The following DDR1 variants were observed in gnomAD, a reference collection of about 807,000 sequenced individuals.
DDR1 encodes epithelial discoidin domain-containing receptor 1.
DDR1 carries 64 observed loss-of-function variants against 97.4 expected under a neutral mutation model. That is an observed-to-expected ratio of 0.66 (90% CI 0.54 to 0.81). DDR1 has a LOEUF of 0.81. Among genes scored for constraint, DDR1 ranks in the 30% least tolerant of loss-of-function variants. The probability of loss-of-function intolerance (pLI) is 0.00; values close to 1 mark genes in which losing one functional copy is unlikely to be tolerated. For missense variants in DDR1, 990 were observed against 1,259.6 expected (o/e 0.79, Z 3.24); for synonymous variants, 458 against 503.7 (o/e 0.91, Z 1.21).
Position 30,889,874 on chromosome 6 carries a change from G to A in DDR1, c.417+444G>A, listed in dbSNP as rs116210128. Among the ~76,000 whole-genome samples, 1,711 of 152,188 alleles carry A rather than the reference G, an allele frequency of 0.011. 23 individuals are homozygous for A. Among genetic ancestry groups the A allele is most frequent in the African/African-American group, 0.033 (1,362 of 41,516 alleles). On this transcript the variant is annotated intron_variant, in intron 4 of 17. Transcript: ENST00000376568. The surrounding 1 kb of genome is among the most constrained non-coding windows in gnomAD (Gnocchi z 4.9). ...GGTATCACCATTGCCTGGTTGCCTA[G>A]GCTATAAGTTAAGATGATATCCTTG...
In DDR1 at chr6:30,888,685, C is replaced by A; in HGVS notation, c.-42-3C>A. 1.2e-6 allele frequency: 2 copies of A among 1,609,802 alleles called. No individual in the cohort carries two copies. Among genetic ancestry groups the A allele is most frequent in the Non-Finnish European group, 1.7e-6 (2 of 1,178,598 alleles). ...TACGCACCACCCATTTTATCCCCTG[C>A]AGAGATGCTGCCCCCACCCCCTTAG... On this transcript the variant is annotated splice_region_variant and splice_polypyrimidine_tract_variant and intron_variant, in intron 1 of 17. Coordinates refer to ENST00000376568, the MANE Select transcript of DDR1 (RefSeq NM_001297654.2). This position sits in a 1 kb window ranked among gnomAD's most constrained non-coding sequence, Gnocchi z 4.2.
In DDR1 at chr6:30,895,452, C is replaced by T. The variant is rs199902191; in HGVS notation, c.1562C>T (p.Ala521Val). Reference sequence around the variant, plus strand: ...TACCGCCTCCTTCTGGCCACTTACGCCCGTCCCCCTCGAGGCCCGGGCCCC... The same window carrying T: ...TACCGCCTCCTTCTGGCCACTTACGTCCGTCCCCCTCGAGGCCCGGGCCCC... ...PAYRLLLATYARPPRGPGPPT... is the reference protein window; with the variant it reads ...PAYRLLLATYVRPPRGPGPPT... The change falls in exon 12 of 18, where the codon GCC becomes GTC. Residue 521 changes from alanine (A) to valine (V), a missense_variant. Transcript: ENST00000376568. The T allele has an allele frequency of 2.5e-6, 4 of 1,609,942 alleles. No individual in the cohort carries two copies. The highest frequency in any genetic ancestry group is 2.2e-5 in the South Asian group (2 of 90,562).
Position 30,898,229 on chromosome 6 carries a change from C to G in DDR1, c.2373C>G (p.Leu791=). Residue 791 remains leucine (L), a synonymous_variant, in exon 16 of 18, where the codon CTC becomes CTG. Transcript: ENST00000376568. The stretch of plus-strand genomic sequence containing the variant: ...CAGACTTTGGCATGAGCCGGAACCT[C>G]TATGCTGGGGACTATTACCGTGTGC... ...KIADFGMSRN[L]YAGDYYRVQG... 2 of 1,614,254 alleles carry G rather than the reference C, an allele frequency of 1.2e-6. No homozygotes were observed. The highest frequency in any genetic ancestry group is 1.7e-6 in the Non-Finnish European group (2 of 1,180,050).
rs780560727 is a variant in DDR1, at chr6:30,897,116, C to T, written c.1972C>T (p.Arg658Trp). 2.5e-5 allele frequency: 41 copies of T among 1,613,818 alleles called. No individual in the cohort carries two copies. The Middle Eastern group carries it at 4.9e-4, about 19-fold the overall frequency. Residue 658 changes from arginine to tryptophan, a missense_variant, in exon 14 of 18, where the codon CGG becomes TGG. By Grantham distance (101) the Arg-to-Trp change is moderately radical. Coordinates refer to ENST00000376568, the MANE Select transcript of DDR1 (RefSeq NM_001297654.2). This position sits in a 1 kb window ranked among gnomAD's most constrained non-coding sequence, Gnocchi z 5.2. ...TTTGCTGGTAGCTGTCAAGATCTTA[C>T]GGCCAGATGCCACCAAGAATGCCAG... ...HPLLVAVKIL[R>W]PDATKNARND...
rs372646310 is a variant in DDR1, at chr6:30,890,802, G to T, written c.418-171G>T. The T allele has an allele frequency of 3.3e-6, 2 of 604,568 alleles. No individual in the cohort carries two copies. The highest frequency in any genetic ancestry group is 3.2e-5 in the East Asian group (1 of 31,454). The allele number at this position is 604,568 out of a possible 1,614,324, so 37.5% of individuals were successfully genotyped here. Reference sequence around the variant, plus strand: ...GACAGAGCCAGAGGTCTCAGCTGCAGATCTTCATTTCACCCATGCCTGGCT... The same window carrying T: ...GACAGAGCCAGAGGTCTCAGCTGCATATCTTCATTTCACCCATGCCTGGCT... On this transcript the variant is annotated intron_variant, in intron 4 of 17. Coordinates refer to ENST00000376568, the MANE Select transcript of DDR1 (RefSeq NM_001297654.2). This position sits in a 1 kb window ranked among gnomAD's most constrained non-coding sequence, Gnocchi z 5.0.
chr6:30,893,243 T>G (rs775472685), intron 9 of DDR1, 29 bp from the exon 10 acceptor site: 1 of 1,600,932 alleles, frequency 6.2e-7, no homozygotes, highest in African/African-American at 1.3e-5. Context: ...GGGACCCTCC[T>G]GTGGTGCTGA....
intron 9 of DDR1, 21 bp from the exon 10 acceptor site, chr6:30,893,251 T>C: frequency 6.2e-7 from 1 of 1,601,906 alleles, no homozygotes; most frequent in Non-Finnish European, 8.5e-7. Context: ...CCTGTGGTGC[T>C]GACCCTGCTG....
chr6:30,885,479 G>A, intron 1 of DDR1: 1 of 972,208 alleles, frequency 1.0e-6, no homozygotes, highest in Non-Finnish European at 1.5e-6. Context: ...CTGCCCCCTC[G>A]ACGTCCCTCT....
Position 30,897,340 on chromosome 6 carries a change from C to T in DDR1, c.1998-39C>T. ...GGGCGCGGGGGAAGGTGCAGGCCGC[C>T]CACTCGGCATTCCTCTTCAGCTTCT... is the stretch of plus-strand genomic sequence containing the variant. On this transcript the variant is annotated intron_variant, in intron 14 of 17. Transcript: ENST00000376568. The surrounding 1 kb of genome is among the most constrained non-coding windows in gnomAD (Gnocchi z 5.2). The T allele has an allele frequency of 6.2e-7, 1 of 1,605,502 alleles. No homozygotes were observed. The highest frequency in any genetic ancestry group is 8.5e-7 in the Non-Finnish European group (1 of 1,175,412).
intron 11 of DDR1, 109 bp from the exon 12 acceptor site, chr6:30,895,295 A>T: frequency 2.7e-6 from 2 of 743,388 alleles, no homozygotes; most frequent in Non-Finnish European, 4.4e-6. Context: ...TCTGTCTCTT[A>T]ATGCAATCAT....
At position 30,888,961 on chromosome 6, in the gene DDR1, A is replaced by G. The variant is rs540880521; in HGVS notation, c.139A>G (p.Ile47Val). The change falls in exon 3 of 18, where the codon ATC (isoleucine) becomes GTC (valine). Residue 47 changes from isoleucine to valine, a missense_variant. Ile to Val is a conservative substitution (Grantham distance 29). Coordinates refer to ENST00000376568, the MANE Select transcript of DDR1 (RefSeq NM_001297654.2). The surrounding 1 kb of genome is among the most constrained non-coding windows in gnomAD (Gnocchi z 4.2). ...GGACCGGACCATCCCAGACAGTGAC[A>G]TCTCTGCTTCCAGCTCCTGGTCAGA... Reference protein sequence around the residue: ...MQDRTIPDSDISASSSWSDST... With the variant: ...MQDRTIPDSDVSASSSWSDST... The G allele has an allele frequency of 1.2e-6, 2 of 1,612,852 alleles. No individual in the cohort carries two copies. Among genetic ancestry groups the G allele is most frequent in the South Asian group, 1.1e-5 (1 of 91,062 alleles).
In DDR1 at chr6:30,897,124, T is replaced by C; in HGVS notation, c.1980T>C (p.Asp660=). The change falls in exon 14 of 18, where the codon GAT becomes GAC. Residue 660 remains aspartate, a synonymous_variant. Transcript: ENST00000376568. The surrounding 1 kb of genome is among the most constrained non-coding windows in gnomAD (Gnocchi z 5.2). ...TAGCTGTCAAGATCTTACGGCCAGA[T>C]GCCACCAAGAATGCCAGGTGAGGAC... ...LLVAVKILRP[D]ATKNARNDFL... 1 of 1,613,754 alleles carries C rather than the reference T, an allele frequency of 6.2e-7. No homozygotes were observed. The highest frequency in any genetic ancestry group is 8.5e-7 in the Non-Finnish European group (1 of 1,179,954).
At chr6:30,887,313 A>G (rs1786224383) in intron 1 of DDR1, among the ~76,000 whole-genome samples, 1 of 152,232 alleles carries the variant, frequency 6.6e-6, no homozygotes, top group Admixed American at 6.5e-5. Flanking sequence ...TCTTTTACAT[A>G]TCTTATGATT....
Position 30,889,232 on chromosome 6 carries a change from G to A in DDR1, c.219G>A (p.Trp73Ter). The A allele has an allele frequency of 6.2e-7, 1 of 1,613,096 alleles. No homozygotes were observed. Residue 73 changes from tryptophan to a stop codon, truncating the protein, a stop_gained, in exon 4 of 18, where the codon TGG becomes TGA. Coordinates refer to ENST00000376568, the MANE Select transcript of DDR1 (RefSeq NM_001297654.2). LOFTEE classifies it high-confidence loss of function. The surrounding 1 kb of genome is among the most constrained non-coding windows in gnomAD (Gnocchi z 4.9). ...AGAGCAGTGACGGGGATGGGGCCTGGTGCCCCGCAGGGTCGGTGTTTCCCA... is the reference window on the plus strand; with the variant it reads ...AGAGCAGTGACGGGGATGGGGCCTGATGCCCCGCAGGGTCGGTGTTTCCCA... ...RLESSDGDGA[W>*]CPAGSVFPKE...
At chr6:30,896,454 T>C (rs1790784839) in intron 12 of DDR1, among the ~76,000 whole-genome samples, 167 bp from the exon 13 acceptor site, 1 of 152,084 alleles carries the variant, frequency 6.6e-6, no homozygotes, top group Non-Finnish European at 1.5e-5. Flanking sequence ...GCCAGTGTCT[T>C]CCTGGTTTGA....
In DDR1 at chr6:30,899,856, C is replaced by T; in HGVS notation, c.*560C>T. The T allele has an allele frequency of 2.4e-6, 1 of 419,920 alleles. No homozygotes were observed. The highest frequency in any genetic ancestry group is 3.6e-5 in the Admixed American group (1 of 27,908). 26.0% of individuals were successfully genotyped at this position (419,920 alleles called of 1,614,324 possible). On this transcript the variant is annotated 3_prime_UTR_variant, in exon 18 of 18. Coordinates refer to ENST00000376568, the MANE Select transcript of DDR1 (RefSeq NM_001297654.2). ...TGAAACACTGGACCTGGGGGTAGCC[C>T]CGCCCCAGCCCTCAGTCACCCCCAC...
At position 30,897,408 on chromosome 6, in the gene DDR1, T is replaced by C. The variant is rs750047186; in HGVS notation, c.2027T>C (p.Met676Thr). ...GATTTCCTGAAAGAGGTGAAGATCA[T>C]GTCGAGGCTCAAGGACCCAAACATC... Reference protein sequence around the residue: ...RNDFLKEVKIMSRLKDPNIIR... With the variant: ...RNDFLKEVKITSRLKDPNIIR... The change falls in exon 15 of 18, where the codon ATG becomes ACG. Residue 676 changes from methionine (M) to threonine (T), a missense_variant. By Grantham distance (81) the Met-to-Thr change is moderately conservative. Coordinates refer to ENST00000376568, the MANE Select transcript of DDR1 (RefSeq NM_001297654.2). This position sits in a 1 kb window ranked among gnomAD's most constrained non-coding sequence, Gnocchi z 5.2. 4.3e-6 allele frequency: 7 copies of C among 1,614,122 alleles called. No individual in the cohort carries two copies. Among genetic ancestry groups the C allele is most frequent in the Non-Finnish European group, 5.9e-6 (7 of 1,180,016 alleles).
In DDR1 at chr6:30,899,774, T is replaced by C; in HGVS notation, c.*478T>C. Reference sequence around the variant, plus strand: ...AGGACAAGAAGGAGAGGAAAATGTTTCCTTGTGCCTGCTCCTGTACTTGTC... The same window carrying C: ...AGGACAAGAAGGAGAGGAAAATGTTCCCTTGTGCCTGCTCCTGTACTTGTC... On this transcript the variant is annotated 3_prime_UTR_variant, in exon 18 of 18. Transcript: ENST00000376568. The C allele has an allele frequency of 3.0e-6, 1 of 334,718 alleles. No homozygotes were observed. Among genetic ancestry groups the C allele is most frequent in the South Asian group, 4.3e-5 (1 of 23,362 alleles). The allele number at this position is 334,718 out of a possible 1,614,324, so 20.7% of individuals were successfully genotyped here. A position where few individuals can be genotyped will look rare whatever the true frequency, so the allele number is the denominator to read the frequency against.
In DDR1 at chr6:30,897,176, G is replaced by A. The variant is rs1172637207; in HGVS notation, c.1997+35G>A. On this transcript the variant is annotated intron_variant, in intron 14 of 17. Transcript: ENST00000376568. This position sits in a 1 kb window ranked among gnomAD's most constrained non-coding sequence, Gnocchi z 5.2. ...AGGGATGGCATCTGGAAGAAGGGAG[G>A]GGAGGCCGTGAAGAGTGGGGAGCCA... 6 of 1,610,116 alleles carry A rather than the reference G, an allele frequency of 3.7e-6. No homozygotes were observed. In the African/African-American group the frequency reaches 8.0e-5, roughly 22 times the overall value.
Sources: allele counts gnomAD v4.1 joint callset (sites outside exome capture counted in the v4.1 genomes callset), GRCh38; gene constraint gnomAD v4.1.1; non-coding constraint Gnocchi (gnomAD v3.1); transcripts MANE v1.5; gene names NCBI Gene and HGNC (gene_info 2026-07-23, HGNC 2026-07-21).